The following PACC1 variants were observed in gnomAD, a reference collection of about 807,000 sequenced individuals.
PACC1 encodes proton activated chloride channel 1.
In PACC1, 34 loss-of-function variants were observed where a neutral mutation model predicts 39.7. The observed-to-expected ratio is 0.86, with a 90% confidence interval of 0.65 to 1.14. The LOEUF is 1.14. Ranked by LOEUF, PACC1 falls within the 50% of genes most tolerant of loss-of-function variation. PACC1 has a pLI of 0.00. For missense variants in PACC1, 379 were observed against 436.4 expected (o/e 0.87, Z 1.17); for synonymous variants, 127 against 160.6 (o/e 0.79, Z 1.58).
chr1:212,393,028 A>G (rs1312063525), intron 2 of PACC1, among the ~76,000 whole-genome samples: 85 of 152,138 alleles, frequency 5.6e-4, no homozygotes, highest in Admixed American at 1.5e-3. Context: ...ACAGATCAAC[A>G]AGACAGAAAG....
intron 6 of PACC1, among the ~76,000 whole-genome samples, chr1:212,375,767 C>A (rs973726796): frequency 2.0e-5 from 3 of 150,938 alleles, no homozygotes; most frequent in African/African-American, 7.3e-5. Flanking sequence ...CGCCTGCAAT[C>A]CCAGCTACTC....
chr1:212,387,740 G>C (rs547237716), intron 2 of PACC1: 2 of 152,432 alleles, frequency 1.3e-5, no homozygotes, highest in Non-Finnish European at 2.9e-5. Flanking sequence ...ATCCTTCCAT[G>C]GAAGCATTTT....
At chr1:212,376,579 G>A (rs1007233344) in intron 6 of PACC1, among the ~76,000 whole-genome samples, 3 of 152,132 alleles carry the variant, frequency 2.0e-5, no homozygotes, top group Non-Finnish European at 2.9e-5. Flanking sequence ...TGAATTTCTT[G>A]GAGCAAATTT....
chr1:212,370,242 A>G (rs920704090), intron 7 of PACC1, among the ~76,000 whole-genome samples: 3 of 152,224 alleles, frequency 2.0e-5, no homozygotes, highest in Non-Finnish European at 2.9e-5. Context: ...CAAGGTGGGC[A>G]GATCAGGAGG....
intron 4 of PACC1, 43 bp from the exon 5 acceptor site, chr1:212,380,080 C>A (rs760829222): frequency 3.1e-6 from 5 of 1,601,308 alleles, no homozygotes; most frequent in Non-Finnish European, 4.3e-6. Flanking sequence ...TGGGAGAGTA[C>A]ACAGAGGCCT....
In PACC1 at chr1:212,372,446, G is replaced by A. The variant is rs552101311; in HGVS notation, c.891+2747C>T. Among the ~76,000 whole-genome samples, 6 of 152,214 alleles carry A rather than the reference G, an allele frequency of 3.9e-5. No homozygotes were observed. In the South Asian group the frequency reaches 1.2e-3, roughly 32 times the overall value. The stretch of plus-strand genomic sequence containing the variant: ...TCTTCTAAGATCTGGAACAAGACAA[G>A]GGTGCCTACTTTCATTATTTTTGTT... On this transcript the variant is annotated intron_variant, in intron 7 of 7. Coordinates refer to ENST00000261455, the MANE Select transcript of PACC1 (RefSeq NM_018252.3).
chr1:212,378,942 T>C (rs1660768491), intron 5 of PACC1, among the ~76,000 whole-genome samples: 1 of 150,804 alleles, frequency 6.6e-6, no homozygotes, highest in African/African-American at 2.4e-5. Context: ...TTTCTCTTCC[T>C]TATGATTTCC....
rs201471584 is a variant in PACC1, at chr1:212,386,887, C to T, written c.343+4G>A. The stretch of plus-strand genomic sequence containing the variant: ...CTGATGCCTGGCCCAGGGGCAGGCT[C>T]TACCTGGGGCATCATAGCGATCCAC... On this transcript the variant is annotated splice_donor_region_variant and intron_variant, in intron 3 of 7. Coordinates refer to ENST00000261455, the MANE Select transcript of PACC1 (RefSeq NM_018252.3). The surrounding 1 kb of genome is among the most constrained non-coding windows in gnomAD (Gnocchi z 5.0). 1 of 1,614,074 alleles carries T rather than the reference C, an allele frequency of 6.2e-7. No individual in the cohort carries two copies. The highest frequency in any genetic ancestry group is 8.5e-7 in the Non-Finnish European group (1 of 1,179,976).
intron 1 of PACC1, among the ~76,000 whole-genome samples, chr1:212,411,952 T>C (rs376302240): frequency 2.0e-5 from 3 of 151,944 alleles, no homozygotes; most frequent in Middle Eastern, 3.4e-3. Context: ...ACCTGCCTGG[T>C]CAACATGGTG....
chr1:212,395,342 T>G (rs1571665516), intron 2 of PACC1, among the ~76,000 whole-genome samples: 1 of 152,174 alleles, frequency 6.6e-6, no homozygotes, highest in Non-Finnish European at 1.5e-5. Context: ...GGGGAAAGGA[T>G]TCCCTATTTA....
At chr1:212,368,754 C>T (rs1478281264) in intron 7 of PACC1, among the ~76,000 whole-genome samples, 1 of 152,046 alleles carries the variant, frequency 6.6e-6, no homozygotes, top group Non-Finnish European at 1.5e-5. Context: ...TGGCCTTGGC[C>T]GGGTGCGGTG....
intron 2 of PACC1, among the ~76,000 whole-genome samples, chr1:212,392,164 A>G (rs1242812464): frequency 6.6e-6 from 1 of 152,232 alleles, no homozygotes; most frequent in Non-Finnish European, 1.5e-5. Context: ...AGTTGAAATG[A>G]AGGAAAAAAT....
At chr1:212,392,644 C>G (rs558211445) in intron 2 of PACC1, among the ~76,000 whole-genome samples, 5 of 152,236 alleles carry the variant, frequency 3.3e-5, no homozygotes, top group Admixed American at 3.3e-4. Context: ...GACAGACTGG[C>G]AAATTGGATA....
chr1:212,391,074 G>A (rs925599562), intron 2 of PACC1, among the ~76,000 whole-genome samples: 1 of 152,216 alleles, frequency 6.6e-6, no homozygotes, highest in Non-Finnish European at 1.5e-5. Context: ...GTCCCTGTCT[G>A]ACAGCTTTGA....
At chr1:212,404,878 C>T (rs1661851058) in intron 2 of PACC1, among the ~76,000 whole-genome samples, 2 of 152,232 alleles carry the variant, frequency 1.3e-5, no homozygotes, top group South Asian at 4.1e-4. Flanking sequence ...AAGTGATTCT[C>T]CTGCTTCAGC....
In PACC1 at chr1:212,364,828, TCA is replaced by T. The variant is rs1660173043; in HGVS notation, c.*385_*386del. ...CTCAGGAATTTTTGGAAAAAGAAAA[TCA>T]CACTCTTTTGTCCACTTTTAAAAAG... On this transcript the variant is annotated 3_prime_UTR_variant, in exon 8 of 8. Transcript: ENST00000261455. 2 of 153,216 alleles carry T rather than the reference TCA, an allele frequency of 1.3e-5. No individual in the cohort carries two copies. The highest frequency in any genetic ancestry group is 4.8e-5 in the African/African-American group (2 of 41,404). 9.5% of individuals were successfully genotyped at this position (153,216 alleles called of 1,614,324 possible).
intron 2 of PACC1, among the ~76,000 whole-genome samples, chr1:212,403,623 A>C (rs1181617328): frequency 1.3e-5 from 2 of 151,986 alleles, no homozygotes; most frequent in African/African-American, 4.8e-5. Flanking sequence ...GGTGTGCAGC[A>C]GTGCAATCTC....
chr1:212,379,745 C>T, intron 5 of PACC1, 150 bp downstream of exon 5: 1 of 918,892 alleles, frequency 1.1e-6, no homozygotes, highest in Non-Finnish European at 1.6e-6. Context: ...ACCGGCCAAG[C>T]TCATGAGGTC....
chr1:212,395,952 G>C (rs915720436), intron 2 of PACC1, among the ~76,000 whole-genome samples: 2 of 152,202 alleles, frequency 1.3e-5, no homozygotes, highest in African/African-American at 4.8e-5. Context: ...TGCTGGAGAG[G>C]ATGTGGAGAA....
Sources: allele counts gnomAD v4.1 joint callset (sites outside exome capture counted in the v4.1 genomes callset), GRCh38; gene constraint gnomAD v4.1.1; non-coding constraint Gnocchi (gnomAD v3.1); transcripts MANE v1.5; gene names NCBI Gene and HGNC (gene_info 2026-07-23, HGNC 2026-07-21).